The following ATAD2B variants were observed in gnomAD, a reference collection of about 807,000 sequenced individuals.
ATAD2B encodes the protein ATPase family AAA domain-containing protein 2B.
In ATAD2B, 40 loss-of-function variants were observed where a neutral mutation model predicts 167.6. The observed-to-expected ratio is 0.24, with a 90% CI of 0.19 to 0.31. ATAD2B has a LOEUF of 0.31. Ranked by LOEUF, ATAD2B falls within the 10% of genes least tolerant of loss-of-function variation. The pLI, the probability that ATAD2B is intolerant of heterozygous loss-of-function variation, is 1.00. For synonymous variants in ATAD2B, 579 were observed against 596.5 expected (o/e 0.97, Z 0.43); for missense variants, 1,242 against 1,757.2 (o/e 0.71, Z 5.24).
At chr2:23,807,494 T>C (rs1215492014) in intron 18 of ATAD2B, among the ~76,000 whole-genome samples, 4 of 152,136 alleles carry the variant, frequency 2.6e-5, no homozygotes, top group Non-Finnish European at 5.9e-5. Context: ...AAGGTAGAGA[T>C]TTTAGTTTCA....
downstream of ATAD2B, among the ~76,000 whole-genome samples, chr2:23,746,823 T>C (rs999717383): frequency 2.0e-5 from 3 of 152,200 alleles, no homozygotes; most frequent in Admixed American, 6.5e-5. Context: ...AAATGCTTCA[T>C]TCACTGCTTA....
chr2:23,862,193 T>C (rs1156606210), intron 12 of ATAD2B, among the ~76,000 whole-genome samples: 8 of 145,772 alleles, frequency 5.5e-5, no homozygotes, highest in African/African-American at 2.0e-4. Flanking sequence ...CGTGACCCTT[T>C]CAAAAAAAAA....
At chr2:23,740,731 G>C in the ATAD2B span, among the ~76,000 whole-genome samples, 1 of 152,128 alleles carries the variant, frequency 6.6e-6, no homozygotes, top group African/African-American at 2.4e-5. Flanking sequence ...GAAATAAAGG[G>C]CATTCGATTA....
At chr2:23,922,807 G>C (rs1488785092) in intron 1 of ATAD2B, among the ~76,000 whole-genome samples, 1 of 151,486 alleles carries the variant, frequency 6.6e-6, no homozygotes. Context: ...ACCACAATGA[G>C]ATATCACCTC....
intron 1 of ATAD2B, among the ~76,000 whole-genome samples, chr2:23,922,946 G>C (rs1021923150): frequency 6.6e-6 from 1 of 152,142 alleles, no homozygotes; most frequent in African/African-American, 2.4e-5. Flanking sequence ...AAAACAGTAT[G>C]AACGTTCCTC....
At chr2:23,838,632 A>G (rs1690381794) in intron 13 of ATAD2B, among the ~76,000 whole-genome samples, 1 of 152,300 alleles carries the variant, frequency 6.6e-6, no homozygotes, top group East Asian at 1.9e-4. Flanking sequence ...ATAGATCTAA[A>G]ATCCAATGAA....
intron 15 of ATAD2B, among the ~76,000 whole-genome samples, chr2:23,826,675 C>G (rs1231056156): frequency 3.9e-5 from 6 of 152,068 alleles, no homozygotes. Flanking sequence ...AATGAAGGCC[C>G]ACAAGATAAG....
At chr2:23,792,045 G>GT (rs1034065779) in intron 19 of ATAD2B, among the ~76,000 whole-genome samples, 29 of 148,186 alleles carry the variant, frequency 2.0e-4, no homozygotes, top group East Asian at 3.9e-4. Flanking sequence ...GTTAATTTCT[G>GT]TTTTTTTTTA....
rs1406695679 is a variant in ATAD2B, at chr2:23,807,913, A to AATATATAAATATATTTATAAT, written c.2454+2382_2454+2402dup. 3.5e-4 allele frequency among the ~76,000 whole-genome samples: 46 copies of AATATATAAATATATTTATAAT among 132,422 alleles called. 1 individual carries two copies. Among genetic ancestry groups the AATATATAAATATATTTATAAT allele is most frequent in the Admixed American group, 3.4e-4 (4 of 11,752 alleles). 86.9% of individuals were successfully genotyped at this position (132,422 alleles called of 152,430 possible). ...GTATATAATAAAATATATAAATATA[A>AATATATAAATATATTTATAAT]ATATATAAATATATTTATAATATAT... On this transcript the variant is annotated intron_variant, in intron 18 of 27. Transcript: ENST00000238789.
intron 6 of ATAD2B, among the ~76,000 whole-genome samples, chr2:23,883,190 G>A (rs1311677348): frequency 6.6e-6 from 1 of 151,138 alleles, no homozygotes; most frequent in Non-Finnish European, 1.5e-5. Context: ...TGACATGGGA[G>A]GATCGCTTGA....
At chr2:23,892,145 A>T (rs527688165) in intron 2 of ATAD2B, among the ~76,000 whole-genome samples, 1 of 152,158 alleles carries the variant, frequency 6.6e-6, no homozygotes, top group East Asian at 1.9e-4. Flanking sequence ...AGCATGCTAC[A>T]TTTCAGTACA....
chr2:23,703,411 C>G, the ATAD2B span: 5 of 1,435,046 alleles, frequency 3.5e-6, no homozygotes, highest in African/African-American at 4.3e-5. Context: ...AGCCCAGGGC[C>G]AGGGTCGCAT....
chr2:23,835,218 T>C (rs1381511507), intron 13 of ATAD2B, among the ~76,000 whole-genome samples: 2 of 152,206 alleles, frequency 1.3e-5, no homozygotes, highest in East Asian at 3.8e-4. Context: ...TTTACACTAA[T>C]GTTCACAGCA....
chr2:23,703,641 G>T, the ATAD2B span: 1 of 1,444,426 alleles, frequency 6.9e-7, no homozygotes, highest in South Asian at 1.4e-5. Context: ...TCCTTCCCTG[G>T]AGGGTCTTCT....
At chr2:23,783,806 A>G (rs181387870) in intron 21 of ATAD2B, among the ~76,000 whole-genome samples, 2 of 152,156 alleles carry the variant, frequency 1.3e-5, no homozygotes, top group East Asian at 1.9e-4. Flanking sequence ...TAGGTTTGCT[A>G]TAACAGCAGT....
At chr2:23,894,521 C>T (rs1240752900) in intron 2 of ATAD2B, among the ~76,000 whole-genome samples, 2 of 151,514 alleles carry the variant, frequency 1.3e-5, no homozygotes, top group Non-Finnish European at 2.9e-5. Flanking sequence ...ACATAAAGGC[C>T]TGCTGGGTGG....
chr2:23,691,656 C>T, the ATAD2B span: 1 of 1,550,802 alleles, frequency 6.4e-7, no homozygotes, highest in Non-Finnish European at 8.7e-7. Context: ...GTAAGGACAC[C>T]CTGGTCTCTG....
the ATAD2B span, among the ~76,000 whole-genome samples, chr2:23,715,284 C>T: frequency 2.6e-5 from 4 of 152,098 alleles, no homozygotes; most frequent in African/African-American, 9.7e-5. Context: ...ATTAAAATAT[C>T]ATATTGAAGG....
At chr2:23,706,748 C>A in the ATAD2B span, 2 of 960,824 alleles carry the variant, frequency 2.1e-6, no homozygotes, top group South Asian at 2.0e-5. Context: ...GCGACACCAA[C>A]AAGAGGCCAA....
Sources: allele counts gnomAD v4.1 joint callset (sites outside exome capture counted in the v4.1 genomes callset), GRCh38; gene constraint gnomAD v4.1.1; transcripts MANE v1.5; gene names NCBI Gene and HGNC (gene_info 2026-07-23, HGNC 2026-07-21).